Variants in HTR4 observed in about 807,000 individuals in gnomAD.
HTR4 encodes 5-hydroxytryptamine receptor 4.
In HTR4, 16 loss-of-function variants were observed where a neutral mutation model predicts 36.8. The ratio of observed to expected loss-of-function variants is 0.43; its 90% confidence interval spans 0.29 to 0.66. The LOEUF (loss-of-function observed/expected upper bound fraction) is 0.66, where lower values mean the gene tolerates loss of function less well. Ranked by LOEUF, HTR4 falls within the 30% of genes least tolerant of loss-of-function variation. The probability of loss-of-function intolerance (pLI) is 0.13; values close to 1 mark genes in which losing one functional copy is unlikely to be tolerated. For missense variants in HTR4, 438 were observed against 490.9 expected (o/e 0.89, Z 1.02); for synonymous variants, 189 against 185.1 (o/e 1.02, Z -0.17).
chr5:148,605,750 A>G (rs1352542130), intron 2 of HTR4, among the ~76,000 whole-genome samples: 8 of 151,680 alleles, frequency 5.3e-5, no homozygotes, highest in African/African-American at 1.7e-4. Context: ...TGTGATTTAA[A>G]AAAAAAAAAA....
intron 2 of HTR4, among the ~76,000 whole-genome samples, chr5:148,554,980 T>G (rs1759872910): frequency 1.3e-5 from 2 of 152,104 alleles, no homozygotes; most frequent in African/African-American, 4.8e-5. Context: ...GGACATGACC[T>G]CATTCTCTTT....
intron 2 of HTR4, among the ~76,000 whole-genome samples, chr5:148,614,129 G>A (rs1752559761): frequency 6.6e-6 from 1 of 152,104 alleles, no homozygotes; most frequent in Non-Finnish European, 1.5e-5. Context: ...CAGATTCAAT[G>A]CCATCCCCAT....
chr5:148,453,446 T>G (rs377557528), intron 5 of HTR4, among the ~76,000 whole-genome samples: 6 of 152,192 alleles, frequency 3.9e-5, no homozygotes, highest in African/African-American at 1.4e-4. Context: ...TAAAATGGTG[T>G]TTAAATACTC....
chr5:148,521,668 T>A (rs995090524), intron 5 of HTR4, among the ~76,000 whole-genome samples: 1 of 152,002 alleles, frequency 6.6e-6, no homozygotes, highest in Non-Finnish European at 1.5e-5. Context: ...CACCCATTAG[T>A]TATGTTTATC....
chr5:148,558,429 T>C (rs564645462), intron 2 of HTR4, among the ~76,000 whole-genome samples: 24 of 152,252 alleles, frequency 1.6e-4, no homozygotes, highest in Non-Finnish European at 2.6e-4. Context: ...TTTAGAAAAT[T>C]TGTAATTGCA....
chr5:148,550,252 C>T lies in HTR4; in HGVS notation c.37G>A (p.Gly13Ser). Residue 13 changes from glycine (G) to serine (S), a missense_variant, in exon 3 of 7, where the codon GGT becomes AGT. Coordinates refer to ENST00000377888, the MANE Select transcript of HTR4 (RefSeq NM_000870.7). ...KLDANVSSEE[G>S]FGSVEKVVLL... ...ACCACCTTCTCCACTGACCCGAAAC[C>T]CTCCTCAGAACTGAAAGACACACAC... The T allele has an allele frequency of 1.2e-6, 2 of 1,614,062 alleles. No individual in the cohort carries two copies. Among genetic ancestry groups the T allele is most frequent in the East Asian group, 2.2e-5 (1 of 44,874 alleles).
chr5:148,610,654 G>A (rs1019930563), intron 2 of HTR4, among the ~76,000 whole-genome samples: 122 of 152,150 alleles, frequency 8.0e-4, no homozygotes, highest in African/African-American at 2.9e-3. Flanking sequence ...CTCCTCACCA[G>A]CAACGGAACA....
chr5:148,582,428 T>C (rs1251840406), intron 2 of HTR4, among the ~76,000 whole-genome samples: 1 of 151,880 alleles, frequency 6.6e-6, no homozygotes, highest in Non-Finnish European at 1.5e-5. Flanking sequence ...CAATAGTTAG[T>C]TTTTCAACCT....
At chr5:148,616,734 A>T (rs925376095) in intron 2 of HTR4, among the ~76,000 whole-genome samples, 22 of 152,134 alleles carry the variant, frequency 1.4e-4, no homozygotes, top group African/African-American at 5.1e-4. Flanking sequence ...GGTGCATATC[A>T]TTCTAGATTT....
chr5:148,510,500 ATTAGAGT>A (rs1264661889), intron 5 of HTR4, among the ~76,000 whole-genome samples: 1 of 152,212 alleles, frequency 6.6e-6, no homozygotes, highest in Non-Finnish European at 1.5e-5. Context: ...GATCAGTAAC[ATTAGAGT>A]CACCTGCAGT....
chr5:148,485,461 C>T (rs1165421269), intron 6 of HTR4, among the ~76,000 whole-genome samples: 1 of 152,198 alleles, frequency 6.6e-6, no homozygotes, highest in Non-Finnish European at 1.5e-5. Flanking sequence ...TTCTTTGTCC[C>T]ACTATGGCAG....
intron 5 of HTR4, among the ~76,000 whole-genome samples, chr5:148,522,004 G>T (rs1758042414): frequency 6.6e-6 from 1 of 152,130 alleles, no homozygotes; most frequent in African/African-American, 2.4e-5. Context: ...GGAGGGACCT[G>T]GTGGGAGATA....
intron 2 of HTR4, among the ~76,000 whole-genome samples, chr5:148,632,458 T>G (rs1038208139): frequency 6.6e-6 from 1 of 152,140 alleles, no homozygotes; most frequent in South Asian, 2.1e-4. Context: ...CCCCAGGGAC[T>G]GCAGGGTCAG....
intron 1 of HTR4, among the ~76,000 whole-genome samples, chr5:148,643,055 C>A (rs893513759): frequency 3.3e-5 from 5 of 152,060 alleles, no homozygotes; most frequent in African/African-American, 1.2e-4. Flanking sequence ...AAGATTTAGT[C>A]CTAAATAAAA....
intron 2 of HTR4, among the ~76,000 whole-genome samples, chr5:148,568,292 C>T (rs886980471): frequency 3.3e-5 from 5 of 152,090 alleles, no homozygotes; most frequent in African/African-American, 1.2e-4. Context: ...ATAAGCATTG[C>T]AATTTTCATT....
chr5:148,511,939 G>A (rs1757519485), intron 5 of HTR4, among the ~76,000 whole-genome samples: 1 of 152,010 alleles, frequency 6.6e-6, no homozygotes, highest in African/African-American at 2.4e-5. Flanking sequence ...TTTAGATTAG[G>A]ATTTGTCTTA....
chr5:148,632,860 T>C (rs1375184222), intron 2 of HTR4, among the ~76,000 whole-genome samples: 2 of 152,288 alleles, frequency 1.3e-5, no homozygotes, highest in East Asian at 1.9e-4. Flanking sequence ...TAGCTGTTTC[T>C]GAAGTCAGGC....
chr5:148,653,822 C>A (rs913923255), intron 1 of HTR4, among the ~76,000 whole-genome samples: 4 of 152,158 alleles, frequency 2.6e-5, no homozygotes, highest in African/African-American at 9.7e-5. Context: ...CTTACATACA[C>A]AAGTGGAAAG....
At chr5:148,528,248 A>G (rs1351530186) in intron 4 of HTR4, among the ~76,000 whole-genome samples, 1 of 152,226 alleles carries the variant, frequency 6.6e-6, no homozygotes, top group Non-Finnish European at 1.5e-5. Context: ...TTTTACTTGC[A>G]TTTTGACCTC....
Sources: gnomAD v4.1 joint callset for allele counts (sites outside exome capture counted in the v4.1 genomes callset) on GRCh38, gnomAD v4.1.1 for gene constraint, MANE v1.5 for transcripts, NCBI Gene and HGNC (gene_info 2026-07-23, HGNC 2026-07-21) for gene names.